The following MYO7B variants were observed in gnomAD, a reference collection of about 807,000 sequenced individuals.
The protein encoded by MYO7B is unconventional myosin-VIIb.
In MYO7B, 212 loss-of-function variants were observed where a neutral mutation model predicts 259.7. The ratio of observed to expected loss-of-function variants is 0.82; its 90% CI spans 0.73 to 0.91. The LOEUF is 0.91. MYO7B is among the 40% of genes least tolerant of loss of function. The pLI, the probability that MYO7B is intolerant of heterozygous loss-of-function variation, is 0.00. For synonymous variants in MYO7B, 1,197 were observed against 1,166.4 expected, an observed-to-expected ratio of 1.03 and a Z score of -0.54; for missense variants, 2,732 against 2,813.5, an observed-to-expected ratio of 0.97 and a Z score of 0.66.
chr2:127,636,200 TC>T lies in MYO7B; in HGVS notation c.6007-3del, dbSNP rs770230860. ...ACCCAAGTCCTTACTGGCCCTCCTG[TC>T]CCCCAGAGCATCCTTCTAGCCTATG... On this transcript the variant is annotated splice_region_variant and splice_polypyrimidine_tract_variant and intron_variant, in intron 44 of 47. Coordinates refer to ENST00000409816, the MANE Select transcript of MYO7B (RefSeq NM_001393586.1). This position sits in a 1 kb window ranked among gnomAD's most constrained non-coding sequence, Gnocchi z 4.5. The T allele has an allele frequency of 1.2e-6, 2 of 1,607,160 alleles. No individual in the cohort carries two copies. The highest frequency in any genetic ancestry group is 1.7e-6 in the Non-Finnish European group (2 of 1,174,966).
rs1291019605 is a variant in MYO7B at position 127,608,761 on chromosome 2, C to T, written c.2697C>T (p.Ala899=). 2 of 1,613,372 alleles carry T rather than the reference C, an allele frequency of 1.2e-6. No homozygotes were observed. Among genetic ancestry groups the T allele is most frequent in the Non-Finnish European group, 1.7e-6 (2 of 1,179,800 alleles). The part of the protein sequence containing the change: ...EGQKSQGALP[A]KKRRSIYDTV... ...AGAAAAGCCAAGGCGCTCTCCCTGC[C>T]AAGAAGCGCAGATCCATCTACGACA... The change falls in exon 22 of 48, where the codon GCC becomes GCT. Residue 899 remains alanine (A), a synonymous_variant. Transcript: ENST00000409816.
At position 127,589,267 on chromosome 2, in the gene MYO7B, A is replaced by G. The variant is rs1398737320; in HGVS notation, c.1854+712A>G. Among the ~76,000 whole-genome samples, 98 of 23,258 alleles carry G rather than the reference A, an allele frequency of 4.2e-3. 1 individual carries two copies. The highest frequency in any genetic ancestry group is 0.016 in the African/African-American group (87 of 5,602). The allele number at this position is 23,258 out of a possible 152,430, so 15.3% of individuals were successfully genotyped here. A position where few individuals can be genotyped will look rare whatever the true frequency, so the allele number is the denominator to read the frequency against. ...GGTGGCTGTGTGGGTGGGTGAGTGG[A>G]TGGATGGGTGGGTGGATGGGTGGGT... is the stretch of plus-strand genomic sequence containing the variant. On this transcript the variant is annotated intron_variant, in intron 15 of 47. Transcript: ENST00000409816.
rs191826949 is a variant in MYO7B, at chr2:127,615,852, C to T, written c.3398+3249C>T. On this transcript the variant is annotated intron_variant, in intron 26 of 47. Coordinates refer to ENST00000409816, the MANE Select transcript of MYO7B (RefSeq NM_001393586.1). The surrounding 1 kb of genome is among the most constrained non-coding windows in gnomAD (Gnocchi z 4.4). ...TTAATTGCCAGTTGGTGGTTTGTTC[C>T]GTCTTCGCATTCAGCTGGTACTGGG... 8.9e-4 allele frequency among the ~76,000 whole-genome samples: 136 copies of T among 152,236 alleles called. No individual in the cohort carries two copies. Among genetic ancestry groups the T allele is most frequent in the Admixed American group, 4.1e-3 (62 of 15,300 alleles).
At position 127,614,190 on chromosome 2, in the gene MYO7B, T is replaced by C. The variant is rs1308272840; in HGVS notation, c.3398+1587T>C. Among the ~76,000 whole-genome samples the C allele has an allele frequency of 6.6e-6, 1 of 152,196 alleles. No individual in the cohort carries two copies. Among genetic ancestry groups the C allele is most frequent in the Admixed American group, 6.5e-5 (1 of 15,274 alleles). ...CTTTGGGTTCTTCAGACACCCCCTA[T>C]AGGCACTCCCATACAGTGCTGGTGT... On this transcript the variant is annotated intron_variant, in intron 26 of 47. Coordinates refer to ENST00000409816, the MANE Select transcript of MYO7B (RefSeq NM_001393586.1). This position sits in a 1 kb window ranked among gnomAD's most constrained non-coding sequence, Gnocchi z 4.6.
chr2:127,552,876 T>C (rs1313909331), intron 1 of MYO7B, among the ~76,000 whole-genome samples: 1 of 152,216 alleles, frequency 6.6e-6, no homozygotes, highest in East Asian at 1.9e-4. Flanking sequence ...TACAGGTTCT[T>C]AAACATTCCC....
chr2:127,571,540 G>C (rs1339324491), intron 6 of MYO7B, among the ~76,000 whole-genome samples: 1 of 149,090 alleles, frequency 6.7e-6, no homozygotes. Context: ...GAGCACAATG[G>C]CACGATCTCG....
In MYO7B at chr2:127,637,365, G is replaced by A. The variant is rs1193660189; in HGVS notation, c.6377G>A (p.Ser2126Asn). Residue 2126 changes from serine to asparagine, a missense_variant, in exon 48 of 48, where the codon AGT (serine) becomes AAT (asparagine). Physicochemically the swap from Ser to Asn is conservative, Grantham distance 46. Around this residue, in one of 3 missense-constraint regions of MYO7B, gnomAD observed 821 missense variants for 769.3 expected, o/e 1.07. Transcript: ENST00000409816. ...LLTSYVQQLL[S>N]AMNKQRGSKA... is the part of the protein sequence containing the mutation. ...ACCTCATATGTGCAGCAGCTCCTGA[G>A]TGCCATGAACAAGCAGCGGGGCTCC... 7 of 1,592,568 alleles carry A rather than the reference G, an allele frequency of 4.4e-6. No individual in the cohort carries two copies. Among genetic ancestry groups the A allele is most frequent in the Non-Finnish European group, 6.0e-6 (7 of 1,169,886 alleles).
intron 16 of MYO7B, among the ~76,000 whole-genome samples, chr2:127,592,508 G>A (rs1490440092): frequency 1.3e-5 from 2 of 152,262 alleles, no homozygotes; most frequent in African/African-American, 4.8e-5. Flanking sequence ...AGTGATGGGA[G>A]TGCTGTGTTT....
intron 25 of MYO7B, 69 bp from the exon 26 acceptor site, chr2:127,612,407 T>C: frequency 6.5e-7 from 1 of 1,546,840 alleles, no homozygotes; most frequent in Non-Finnish European, 8.7e-7. Context: ...TCCCTCCCTG[T>C]GCACCAGTTT....
At chr2:127,633,086 G>A (rs574752967) in intron 39 of MYO7B, among the ~76,000 whole-genome samples, 172 bp from the exon 40 acceptor site, 7 of 152,326 alleles carry the variant, frequency 4.6e-5, no homozygotes, top group African/African-American at 1.2e-4. Context: ...CTCTGAGGCC[G>A]CGTGGAGCCA....
intron 7 of MYO7B, among the ~76,000 whole-genome samples, chr2:127,575,642 A>G (rs1165712391): frequency 6.6e-6 from 1 of 152,110 alleles, no homozygotes; most frequent in African/African-American, 2.4e-5. Context: ...TTTTAAAAAC[A>G]TGTCTAGGTT....
intron 6 of MYO7B, 144 bp from the exon 7 acceptor site, chr2:127,573,776 C>A: frequency 9.1e-7 from 1 of 1,099,950 alleles, no homozygotes. Flanking sequence ...GGGCGCTTGG[C>A]TTCCGTCACT....
chr2:127,561,046 C>T (rs1352739948), intron 2 of MYO7B, among the ~76,000 whole-genome samples: 2 of 152,150 alleles, frequency 1.3e-5, no homozygotes, highest in Non-Finnish European at 2.9e-5. Context: ...AAGTTGCAAA[C>T]ATGAGAGCGT....
chr2:127,583,994 G>A, intron 12 of MYO7B, 128 bp from the exon 13 acceptor site: 1 of 768,132 alleles, frequency 1.3e-6, no homozygotes, highest in Non-Finnish European at 2.2e-6. Flanking sequence ...TGTACACGAG[G>A]TGTGCATCTG....
At chr2:127,620,942 T>C (rs1368975484) in intron 27 of MYO7B, among the ~76,000 whole-genome samples, 1 of 152,218 alleles carries the variant, frequency 6.6e-6, no homozygotes, top group African/African-American at 2.4e-5. Context: ...ATGCAGAACA[T>C]CTAAAACCAA....
In MYO7B at chr2:127,633,839, AGTGGGCAGTGTCGCCTCGCGCC is replaced by A. The variant is rs577497936; in HGVS notation, c.5512-336_5512-315del. ...AAAGACAAGCGGGCTGAGAGGCCAA[AGTGGGCAGTGTCGCCTCGCGCC>A]CTCTCCAACAGCACAATGGTCTTTT... On this transcript the variant is annotated intron_variant, in intron 40 of 47. Transcript: ENST00000409816. Among the ~76,000 whole-genome samples, 204 of 152,194 alleles carry A rather than the reference AGTGGGCAGTGTCGCCTCGCGCC, an allele frequency of 1.3e-3. 3 individuals carry two copies. The East Asian group carries it at 0.035, about 26-fold the overall frequency.
chr2:127,566,663 G>A lies in MYO7B; in HGVS notation c.306G>A (p.Leu102=). 1 of 1,596,164 alleles carries A rather than the reference G, an allele frequency of 6.3e-7. No homozygotes were observed. The highest frequency in any genetic ancestry group is 8.5e-7 in the Non-Finnish European group (1 of 1,172,398). Residue 102 remains leucine, a synonymous_variant, in exon 5 of 48, where the codon CTG becomes CTA. Transcript: ENST00000409816. Reference sequence around the variant, plus strand: ...CCCAGACATACACAGGCTCCATCCTGGTGGCCGTCAACCCGTTCCAGGTGC... The same window carrying A: ...CCCAGACATACACAGGCTCCATCCTAGTGGCCGTCAACCCGTTCCAGGTGC... ...HKIYTYTGSI[L]VAVNPFQVLP...
In MYO7B at chr2:127,637,724, G is replaced by A. The variant is rs531875513; in HGVS notation, c.*307G>A. 12 of 319,242 alleles carry A rather than the reference G, an allele frequency of 3.8e-5. No homozygotes were observed. In the East Asian group the frequency reaches 4.5e-4, roughly 12 times the overall value. 19.8% of individuals were successfully genotyped at this position (319,242 alleles called of 1,614,324 possible). On this transcript the variant is annotated 3_prime_UTR_variant, in exon 48 of 48. Coordinates refer to ENST00000409816, the MANE Select transcript of MYO7B (RefSeq NM_001393586.1). ...ATGTTCAATAAAAACTCCTGGAGCA[G>A]GAGAAGTGTGTCTGTCTGAGGGAGC...
chr2:127,628,236 A>T lies in MYO7B; in HGVS notation c.4461-136A>T. On this transcript the variant is annotated intron_variant, in intron 33 of 47. Coordinates refer to ENST00000409816, the MANE Select transcript of MYO7B (RefSeq NM_001393586.1). The surrounding 1 kb of genome is among the most constrained non-coding windows in gnomAD (Gnocchi z 4.8). The stretch of plus-strand genomic sequence containing the variant: ...CCAGACCCACAGTGGTGTCTGGCCT[A>T]GTCCTGGCCCTGGCAGAGCAGCTCT... The T allele has an allele frequency of 9.5e-7, 1 of 1,057,816 alleles. No homozygotes were observed. Among genetic ancestry groups the T allele is most frequent in the Non-Finnish European group, 1.4e-6 (1 of 711,026 alleles). The allele number at this position is 1,057,816 out of a possible 1,614,324, so 65.5% of individuals were successfully genotyped here. A position where few individuals can be genotyped will look rare whatever the true frequency, so the allele number is the denominator to read the frequency against.
Sources: allele counts gnomAD v4.1 joint callset (sites outside exome capture counted in the v4.1 genomes callset), GRCh38; gene constraint gnomAD v4.1.1; regional missense constraint gnomAD v4.1.1; non-coding constraint Gnocchi (gnomAD v3.1); transcripts MANE v1.5; gene names NCBI Gene and HGNC (gene_info 2026-07-23, HGNC 2026-07-21).